MET: variants seen among roughly 807,000 people sequenced by gnomAD.
MET encodes hepatocyte growth factor receptor.
MET carries 48 observed loss-of-function variants against 133.1 expected under a neutral mutation model. That is an observed-to-expected ratio of 0.36 (90% CI 0.29 to 0.46). The LOEUF (loss-of-function observed/expected upper bound fraction) is 0.46. MET is among the 20% of genes least tolerant of loss of function. The probability of loss-of-function intolerance (pLI) is 1.00; values close to 1 mark genes in which losing one functional copy is unlikely to be tolerated. For synonymous variants in MET, 628 were observed against 616.5 expected (o/e 1.02, Z -0.28); for missense variants, 1,442 against 1,695.9 (o/e 0.85, Z 2.63).
intron 1 of MET, among the ~76,000 whole-genome samples, chr7:116,687,074 G>C (rs923920860): frequency 1.3e-5 from 2 of 152,194 alleles, no homozygotes; most frequent in African/African-American, 4.8e-5. Context: ...CCAGTCAAGG[G>C]GCAACACCTG....
intron 1 of MET, among the ~76,000 whole-genome samples, 169 bp from the exon 2 acceptor site, chr7:116,698,902 C>A (rs1186503486): frequency 6.6e-6 from 1 of 152,126 alleles, no homozygotes; most frequent in East Asian, 1.9e-4. Flanking sequence ...GAGTCATGTC[C>A]AACCGCACAA....
chr7:116,702,248 C>T (rs1562885837), intron 2 of MET, among the ~76,000 whole-genome samples: 2 of 152,138 alleles, frequency 1.3e-5, no homozygotes, highest in East Asian at 3.9e-4. Flanking sequence ...AACTTGCCAA[C>T]ATAGTCTTCT....
intron 2 of MET, among the ~76,000 whole-genome samples, chr7:116,728,739 A>C (rs1385270673): frequency 1.3e-5 from 2 of 152,210 alleles, no homozygotes; most frequent in Non-Finnish European, 2.9e-5. Context: ...CCTGGGGATA[A>C]AAGATGATAA....
rs142232873 is a variant in MET, at chr7:116,705,964, C to T, written c.1200+5680C>T. On this transcript the variant is annotated intron_variant, in intron 2 of 20. Coordinates refer to ENST00000397752, the MANE Select transcript of MET (RefSeq NM_000245.4). ...TTAGAAAACATGTTACAAAATGAACCTTTAATTCCTTTTGCTTTTTCCCTT... is the reference window on the plus strand; with the variant it reads ...TTAGAAAACATGTTACAAAATGAACTTTTAATTCCTTTTGCTTTTTCCCTT... 2.4e-3 allele frequency among the ~76,000 whole-genome samples: 359 copies of T among 152,144 alleles called. 2 individuals are homozygous for T. Among genetic ancestry groups the T allele is most frequent in the African/African-American group, 7.2e-3 (297 of 41,522 alleles).
Position 116,769,729 on chromosome 7 carries a change from G to C in MET, c.2668G>C (p.Glu890Gln). The C allele has an allele frequency of 1.2e-6, 2 of 1,613,196 alleles. No individual in the cohort carries two copies. The highest frequency in any genetic ancestry group is 2.2e-5 in the South Asian group (2 of 91,066). Residue 890 changes from glutamate (E) to glutamine (Q), a missense_variant, in exon 12 of 21, where the codon GAA becomes CAA. Coordinates refer to ENST00000397752, the MANE Select transcript of MET (RefSeq NM_000245.4). ...KSCENIHLHS[E>Q]AVLCTVPNDL... ...CTGTGAGAATATACACTTACATTCT[G>C]AAGCCGTTTTATGCACGGTCCCCAA...
chr7:116,720,020 T>C (rs1239772560), intron 2 of MET, among the ~76,000 whole-genome samples: 1 of 151,860 alleles, frequency 6.6e-6, no homozygotes, highest in African/African-American at 2.4e-5. Flanking sequence ...TTTCCAATTC[T>C]GTGAAGAAAG....
intron 14 of MET, 110 bp downstream of exon 14, chr7:116,772,099 G>C (rs1794856719): frequency 1.6e-6 from 2 of 1,244,642 alleles, no homozygotes; most frequent in African/African-American, 1.5e-5. Flanking sequence ...AAACCTAAAG[G>C]AAGTATTTAC....
rs1029481577 is a variant in MET, at chr7:116,672,477, G to T, written c.-115G>T. The T allele has an allele frequency of 5.8e-5, 23 of 398,252 alleles. No homozygotes were observed. Among genetic ancestry groups the T allele is most frequent in the African/African-American group, 4.7e-4 (23 of 48,730 alleles). The allele number at this position is 398,252 out of a possible 1,614,324, so 24.7% of individuals were successfully genotyped here. On this transcript the variant is annotated 5_prime_UTR_variant, in exon 1 of 21. The change abolishes an upstream ATG in the 5' untranslated region. Coordinates refer to ENST00000397752, the MANE Select transcript of MET (RefSeq NM_000245.4). ...GCCGAGTGGAGGGCGCGAGCCAGAT[G>T]CGGGGCGACAGCTGACTTGCTGAGA...
intron 5 of MET, among the ~76,000 whole-genome samples, chr7:116,752,100 G>A (rs1477052573): frequency 6.6e-6 from 1 of 151,986 alleles, no homozygotes; most frequent in African/African-American, 2.4e-5. Context: ...TTCAACCCCA[G>A]TGAGACAACA....
At chr7:116,705,352 C>T (rs994563287) in intron 2 of MET, among the ~76,000 whole-genome samples, 8 of 152,112 alleles carry the variant, frequency 5.3e-5, no homozygotes, top group African/African-American at 1.9e-4. Context: ...ATCTCCCACA[C>T]CACTTGAACT....
intron 2 of MET, among the ~76,000 whole-genome samples, chr7:116,705,254 G>A (rs768723704): frequency 3.0e-4 from 45 of 152,162 alleles, no homozygotes; most frequent in Admixed American, 7.2e-4. Context: ...CACAAGGACC[G>A]TTATTGATCT....
intron 5 of MET, among the ~76,000 whole-genome samples, chr7:116,751,709 G>A (rs920569453): frequency 2.0e-5 from 3 of 152,090 alleles, no homozygotes; most frequent in African/African-American, 7.2e-5. Flanking sequence ...TTCAGAAAAG[G>A]GAGAGCACTT....
At chr7:116,771,778 C>A (rs1794841785) in intron 13 of MET, 71 bp from the exon 14 acceptor site, 31 of 1,610,760 alleles carry the variant, frequency 1.9e-5, no homozygotes, top group Non-Finnish European at 2.5e-5. Context: ...GAGTTCTGGG[C>A]ACTGGGTCAA....
At chr7:116,706,017 T>C (rs1348933541) in intron 2 of MET, among the ~76,000 whole-genome samples, 4 of 152,034 alleles carry the variant, frequency 2.6e-5, no homozygotes, top group African/African-American at 9.7e-5. Flanking sequence ...TTTAAACCAT[T>C]ACATGGCTCA....
At chr7:116,742,567 G>T (rs1317143188) in intron 5 of MET, among the ~76,000 whole-genome samples, 2 of 152,102 alleles carry the variant, frequency 1.3e-5, no homozygotes, top group East Asian at 3.8e-4. Flanking sequence ...TAAAGAAAAT[G>T]GTTTGATAAC....
At chr7:116,723,410 C>A (rs1584904239) in intron 2 of MET, among the ~76,000 whole-genome samples, 2 of 151,728 alleles carry the variant, frequency 1.3e-5, no homozygotes, top group Non-Finnish European at 2.9e-5. Flanking sequence ...TTTTCAACTT[C>A]TTTTCCTTTG....
In MET at chr7:116,672,309, A is replaced by G. The variant is rs1470763390; in HGVS notation, c.-283A>G. 8.4e-6 allele frequency: 2 copies of G among 238,164 alleles called. No individual in the cohort carries two copies. Among genetic ancestry groups the G allele is most frequent in the Non-Finnish European group, 8.0e-6 (1 of 124,768 alleles). The allele number at this position is 238,164 out of a possible 1,614,324, so 14.8% of individuals were successfully genotyped here. Reference sequence around the variant, plus strand: ...GCGCGCGCCGATGCCCGGCTGAGTCACTGGCAGGGCAGCGCGCGTGTGGGA... The same window carrying G: ...GCGCGCGCCGATGCCCGGCTGAGTCGCTGGCAGGGCAGCGCGCGTGTGGGA... On this transcript the variant is annotated 5_prime_UTR_variant, in exon 1 of 21. Coordinates refer to ENST00000397752, the MANE Select transcript of MET (RefSeq NM_000245.4).
chr7:116,679,354 C>A (rs938525231), intron 1 of MET, among the ~76,000 whole-genome samples: 6 of 152,308 alleles, frequency 3.9e-5, no homozygotes, highest in African/African-American at 1.2e-4. Context: ...AGCCATCTAA[C>A]TAAATATATG....
intron 2 of MET, among the ~76,000 whole-genome samples, chr7:116,703,440 T>C (rs1234783494): frequency 2.0e-5 from 3 of 152,192 alleles, no homozygotes; most frequent in African/African-American, 7.2e-5. Flanking sequence ...GAAGTTGTTT[T>C]AGGCTAATGC....
Sources: allele counts gnomAD v4.1 joint callset (sites outside exome capture counted in the v4.1 genomes callset), GRCh38; gene constraint gnomAD v4.1.1; transcripts MANE v1.5; gene names NCBI Gene and HGNC (gene_info 2026-07-23, HGNC 2026-07-21).